SLC30A6: variants seen among roughly 807,000 people sequenced by gnomAD.
SLC30A6 encodes zinc transporter 6.
In SLC30A6, 55 loss-of-function variants were observed where a neutral mutation model predicts 63.0. The observed-to-expected ratio is 0.87, with a 90% CI of 0.70 to 1.09. The LOEUF (loss-of-function observed/expected upper bound fraction) is 1.09, where lower values mean the gene tolerates loss of function less well. Ranked by LOEUF, SLC30A6 falls within the 50% of genes least tolerant of loss-of-function variation. The pLI, the probability that SLC30A6 is intolerant of heterozygous loss-of-function variation, is 0.00. For missense variants in SLC30A6, 587 were observed against 549.2 expected, an observed-to-expected ratio of 1.07 and a Z score of -0.69; for synonymous variants, 224 against 186.1, an observed-to-expected ratio of 1.20 and a Z score of -1.66.
chr2:32,212,857 A>C (rs867789681), intron 13 of SLC30A6, among the ~76,000 whole-genome samples: 31 of 148,934 alleles, frequency 2.1e-4, no homozygotes, highest in African/African-American at 7.4e-4. Flanking sequence ...GGCCTCCCAA[A>C]GTGCTAAGAT....
In SLC30A6 at chr2:32,165,879, G is replaced by A; in HGVS notation, c.-22G>A. 1 of 1,613,978 alleles carries A rather than the reference G, an allele frequency of 6.2e-7. No individual in the cohort carries two copies. The highest frequency in any genetic ancestry group is 2.2e-5 in the East Asian group (1 of 44,864). Reference sequence around the variant, plus strand: ...TCGAGCACCCAGAACGGCTTCCGGCGGGAGCTGTGCAGCTCCTTATCATGG... The same window carrying A: ...TCGAGCACCCAGAACGGCTTCCGGCAGGAGCTGTGCAGCTCCTTATCATGG... On this transcript the variant is annotated 5_prime_UTR_variant, in exon 1 of 14. Coordinates refer to ENST00000282587, the MANE Select transcript of SLC30A6 (RefSeq NM_017964.5).
At chr2:32,196,985 G>A (rs1426241128) in intron 8 of SLC30A6, among the ~76,000 whole-genome samples, 5 of 152,118 alleles carry the variant, frequency 3.3e-5, no homozygotes, top group Non-Finnish European at 5.9e-5. Flanking sequence ...GCTTGAACGC[G>A]GGAGACAGAG....
At chr2:32,178,365 G>T (rs1411977479) in intron 4 of SLC30A6, among the ~76,000 whole-genome samples, 1 of 151,962 alleles carries the variant, frequency 6.6e-6, no homozygotes, top group Non-Finnish European at 1.5e-5. Flanking sequence ...GAATTGCCTT[G>T]GTACCCTTGT....
chr2:32,203,720 C>A (rs2148880734), intron 10 of SLC30A6: 2 of 1,529,490 alleles, frequency 1.3e-6, no homozygotes, highest in Middle Eastern at 1.7e-4. Flanking sequence ...ACAACTAAGT[C>A]AGAAAGGTTA....
At chr2:32,218,280 CA>C (rs980766633) in intron 13 of SLC30A6, among the ~76,000 whole-genome samples, 3 of 151,936 alleles carry the variant, frequency 2.0e-5, no homozygotes, top group East Asian at 1.9e-4. Context: ...AAAACAAAAC[CA>C]AAAAAACCCA....
chr2:32,182,743 GC>G (rs1338311368), intron 4 of SLC30A6, among the ~76,000 whole-genome samples: 2 of 152,144 alleles, frequency 1.3e-5, no homozygotes, highest in Non-Finnish European at 1.5e-5. Context: ...ATTCAGGAAA[GC>G]AGCCAAATTA....
At chr2:32,202,153 A>G (rs370677152) in intron 10 of SLC30A6, 227 of 754,226 alleles carry the variant, frequency 3.0e-4, no homozygotes, top group East Asian at 1.6e-3. Flanking sequence ...TGAAGAGACT[A>G]TAAAGCTTCT....
chr2:32,220,739 A>G lies in SLC30A6; in HGVS notation c.*26A>G, dbSNP rs1479214163. 1.3e-6 allele frequency: 2 copies of G among 1,579,670 alleles called. No homozygotes were observed. The highest frequency in any genetic ancestry group is 1.7e-6 in the Non-Finnish European group (2 of 1,162,354). On this transcript the variant is annotated 3_prime_UTR_variant, in exon 14 of 14. Transcript: ENST00000282587. The stretch of plus-strand genomic sequence containing the variant: ...TAGACTCTAACTTATTTTTATAAGG[A>G]ATATTGACTCCTTGGCTTCCAATTT...
intron 1 of SLC30A6, among the ~76,000 whole-genome samples, chr2:32,168,337 AAT>A (rs1680871300): frequency 6.6e-6 from 1 of 151,072 alleles, no homozygotes; most frequent in African/African-American, 2.4e-5. Context: ...TTTTAAAATA[AAT>A]ATTTTAAAAT....
At chr2:32,196,077 G>A (rs184015333) in intron 8 of SLC30A6, among the ~76,000 whole-genome samples, 1 of 152,310 alleles carries the variant, frequency 6.6e-6, no homozygotes, top group African/African-American at 2.4e-5. Flanking sequence ...CAGTTTGGGA[G>A]ACCAAGTCAG....
rs1028932678 is a variant in SLC30A6 at position 32,221,123 on chromosome 2, A to C, written c.*410A>C. On this transcript the variant is annotated 3_prime_UTR_variant, in exon 14 of 14. Coordinates refer to ENST00000282587, the MANE Select transcript of SLC30A6 (RefSeq NM_017964.5). The stretch of plus-strand genomic sequence containing the variant: ...GTGCCCGGCCAATACATTATTATTA[A>C]CTTAAGGCTGTACTTTATTAAGGCT... 4.8e-6 allele frequency: 1 copy of C among 210,374 alleles called. No homozygotes were observed. The allele number at this position is 210,374 out of a possible 1,614,324, so 13.0% of individuals were successfully genotyped here. A position where few individuals can be genotyped will look rare whatever the true frequency, so the allele number is the denominator to read the frequency against.
chr2:32,198,371 G>T (rs904832538), intron 10 of SLC30A6, among the ~76,000 whole-genome samples: 2 of 152,078 alleles, frequency 1.3e-5, no homozygotes, highest in African/African-American at 2.4e-5. Context: ...GGGATTCCTA[G>T]ATTTTTATTT....
rs1300647963 is a variant in SLC30A6 at position 32,192,425 on chromosome 2, G to T, written c.365+9G>T. 6.2e-7 allele frequency: 1 copy of T among 1,609,222 alleles called. No individual in the cohort carries two copies. The highest frequency in any genetic ancestry group is 8.5e-7 in the Non-Finnish European group (1 of 1,175,806). On this transcript the variant is annotated intron_variant, in intron 6 of 13. Transcript: ENST00000282587. Reference sequence around the variant, plus strand: ...TTTATATTAAAAGAAAGGTACATTTGTATAGGATATTATTCTAAATCCCCC... The same window carrying T: ...TTTATATTAAAAGAAAGGTACATTTTTATAGGATATTATTCTAAATCCCCC...
At chr2:32,203,054 A>C (rs1684433753) in intron 10 of SLC30A6, 7 of 1,270,656 alleles carry the variant, frequency 5.5e-6, no homozygotes, top group Non-Finnish European at 8.1e-6. Flanking sequence ...CCCAGTGTTT[A>C]CATGGGGACA....
At chr2:32,219,856 C>T (rs989301082) in intron 13 of SLC30A6, among the ~76,000 whole-genome samples, 5 of 152,116 alleles carry the variant, frequency 3.3e-5, no homozygotes, top group African/African-American at 7.2e-5. Flanking sequence ...AATCACCAAC[C>T]GTAGATTAAA....
At chr2:32,201,707 T>C in intron 10 of SLC30A6, 2 of 1,405,428 alleles carry the variant, frequency 1.4e-6, no homozygotes, top group South Asian at 1.2e-5. Flanking sequence ...ATATCACAGT[T>C]TCGGCTAATG....
chr2:32,200,192 C>G (rs1170258829), intron 10 of SLC30A6, among the ~76,000 whole-genome samples: 1 of 151,848 alleles, frequency 6.6e-6, no homozygotes, highest in Non-Finnish European at 1.5e-5. Flanking sequence ...CTATTAAGAC[C>G]TTTATCATCA....
At chr2:32,213,302 C>CTT (rs5830222) in intron 13 of SLC30A6, among the ~76,000 whole-genome samples, 1 of 113,736 alleles carries the variant, frequency 8.8e-6, no homozygotes, top group Non-Finnish European at 1.8e-5. Flanking sequence ...TGATATGGAG[C>CTT]TTTTTTTTTT....
At chr2:32,179,629 A>G (rs1682105761) in intron 4 of SLC30A6, among the ~76,000 whole-genome samples, 1 of 152,212 alleles carries the variant, frequency 6.6e-6, no homozygotes, top group South Asian at 2.1e-4. Flanking sequence ...GCCTTAGACA[A>G]TAAAATCAAA....
Sources: gnomAD v4.1 joint callset for allele counts (sites outside exome capture counted in the v4.1 genomes callset) on GRCh38, gnomAD v4.1.1 for gene constraint, MANE v1.5 for transcripts, NCBI Gene and HGNC (gene_info 2026-07-23, HGNC 2026-07-21) for gene names.